Variants in CA10 observed in about 807,000 individuals in gnomAD.
CA10 encodes carbonic anhydrase-related protein 10.
A neutral mutation model predicts 44.2 loss-of-function variants in CA10; 14 were observed. The observed-to-expected ratio is 0.32, with a 90% CI of 0.21 to 0.50. The LOEUF is 0.50. CA10 is among the 20% of genes least tolerant of loss of function. The pLI, the probability that CA10 is intolerant of heterozygous loss-of-function variation, is 0.99. For missense variants in CA10, 350 were observed against 409.7 expected, an observed-to-expected ratio of 0.85 and a Z score of 1.26; for synonymous variants, 159 against 141.6, an observed-to-expected ratio of 1.12 and a Z score of -0.87.
At chr17:51,872,141 T>A (rs763508017) in intron 3 of CA10, among the ~76,000 whole-genome samples, 2 of 152,196 alleles carry the variant, frequency 1.3e-5, no homozygotes, top group Non-Finnish European at 2.9e-5. Flanking sequence ...ACACTTGGTC[T>A]TTTCTATGGA....
intron 4 of CA10, among the ~76,000 whole-genome samples, chr17:51,662,370 GGTGAA>G (rs1395113368): frequency 3.3e-5 from 5 of 152,114 alleles, no homozygotes; most frequent in South Asian, 2.1e-4. Context: ...AAAATAAATA[GGTGAA>G]GTGAAGACAT....
intron 3 of CA10, among the ~76,000 whole-genome samples, chr17:51,812,795 T>C (rs948962678): frequency 2.0e-5 from 3 of 152,196 alleles, no homozygotes; most frequent in Non-Finnish European, 2.9e-5. Flanking sequence ...TGCCTGTCTA[T>C]GGCTTGAGTA....
intron 3 of CA10, among the ~76,000 whole-genome samples, chr17:51,833,528 A>ATTAATCTT (rs1908361801): frequency 6.6e-6 from 1 of 152,224 alleles, no homozygotes; most frequent in African/African-American, 2.4e-5. Flanking sequence ...AGCACTTTTG[A>ATTAATCTT]TTAATCTTTA....
chr17:51,917,440 G>A (rs867394166), intron 3 of CA10, among the ~76,000 whole-genome samples: 14 of 152,316 alleles, frequency 9.2e-5, no homozygotes, highest in African/African-American at 1.9e-4. Flanking sequence ...CCCTGTGTAT[G>A]TTAAGCTGTT....
intron 2 of CA10, among the ~76,000 whole-genome samples, chr17:51,937,172 G>A (rs203099): frequency 0.68 from 102,948 of 152,014 alleles, 35,218 homozygotes; most frequent in Non-Finnish European, 0.71. Flanking sequence ...CAATCCTACA[G>A]ATAAAGCCTT....
At chr17:51,723,766 A>G (rs1342138841) in intron 4 of CA10, among the ~76,000 whole-genome samples, 2 of 152,178 alleles carry the variant, frequency 1.3e-5, no homozygotes, top group East Asian at 3.9e-4. Context: ...TGCGCTGTGC[A>G]ATGCTATCTG....
intron 1 of CA10, among the ~76,000 whole-genome samples, chr17:52,134,253 T>G (rs1989302436): frequency 6.6e-6 from 1 of 152,206 alleles, no homozygotes; most frequent in Non-Finnish European, 1.5e-5. Context: ...AATCCTAAAA[T>G]AACCTCCCAT....
intron 2 of CA10, among the ~76,000 whole-genome samples, chr17:51,968,280 T>A (rs1037186390): frequency 6.6e-6 from 1 of 151,892 alleles, no homozygotes; most frequent in Non-Finnish European, 1.5e-5. Context: ...TTCTTCATTA[T>A]CACCCCAAAC....
intron 1 of CA10, among the ~76,000 whole-genome samples, chr17:52,105,289 C>G (rs946676741): frequency 1.5e-4 from 22 of 151,540 alleles, no homozygotes; most frequent in African/African-American, 5.3e-4. Context: ...AGTCTTGGCT[C>G]TGTCGCCCAG....
At chr17:51,986,959 GA>G (rs1984861662) in intron 2 of CA10, among the ~76,000 whole-genome samples, 1 of 152,006 alleles carries the variant, frequency 6.6e-6, no homozygotes, top group Admixed American at 6.6e-5. Context: ...ATTCCTTAAA[GA>G]ACTAAAAATA....
intron 1 of CA10, among the ~76,000 whole-genome samples, chr17:52,106,276 C>T (rs761530414): frequency 6.6e-6 from 1 of 152,162 alleles, no homozygotes; most frequent in African/African-American, 2.4e-5. Context: ...TTTCCAAATG[C>T]TGCAACCCGC....
At chr17:52,094,233 A>G (rs1414709235) in intron 1 of CA10, among the ~76,000 whole-genome samples, 1 of 152,110 alleles carries the variant, frequency 6.6e-6, no homozygotes, top group Non-Finnish European at 1.5e-5. Flanking sequence ...GCACATGTAT[A>G]CCTATGTAAG....
chr17:51,648,465 G>A (rs893218151), intron 6 of CA10, among the ~76,000 whole-genome samples: 1 of 152,136 alleles, frequency 6.6e-6, no homozygotes, highest in South Asian at 2.1e-4. Context: ...TATCCTACTC[G>A]CTCCTAATTA....
At chr17:52,019,002 C>G (rs1345312297) in intron 2 of CA10, among the ~76,000 whole-genome samples, 1 of 152,088 alleles carries the variant, frequency 6.6e-6, no homozygotes, top group Non-Finnish European at 1.5e-5. Flanking sequence ...CTTGCTTGCT[C>G]TCTCACCATG....
intron 3 of CA10, among the ~76,000 whole-genome samples, chr17:51,925,385 A>T (rs897364464): frequency 6.6e-6 from 1 of 152,002 alleles, no homozygotes; most frequent in Admixed American, 6.6e-5. Context: ...ACAGTGAGAG[A>T]TCACTTCACA....
At chr17:51,648,559 C>A (rs1913429863) in intron 6 of CA10, among the ~76,000 whole-genome samples, 1 of 152,156 alleles carries the variant, frequency 6.6e-6, no homozygotes, top group South Asian at 2.1e-4. Flanking sequence ...AAATCCTGCA[C>A]CTTCTGGGAT....
At chr17:51,770,807 G>A (rs1039715670) in intron 3 of CA10, among the ~76,000 whole-genome samples, 1 of 151,874 alleles carries the variant, frequency 6.6e-6, no homozygotes, top group Non-Finnish European at 1.5e-5. Flanking sequence ...GATAGTGGTG[G>A]GGGAGGTGCC....
intron 3 of CA10, among the ~76,000 whole-genome samples, chr17:51,820,478 T>C (rs900232583): frequency 2.8e-5 from 4 of 140,882 alleles, no homozygotes; most frequent in Non-Finnish European, 4.6e-5. Flanking sequence ...TCTCTTTCTA[T>C]CAGATAGTCT....
intron 2 of CA10, among the ~76,000 whole-genome samples, chr17:51,970,660 C>A (rs1984249595): frequency 6.6e-6 from 1 of 152,062 alleles, no homozygotes; most frequent in Non-Finnish European, 1.5e-5. Context: ...CTTTTGTGAT[C>A]TAATTCATCA....
Sources: gnomAD v4.1 joint callset for allele counts (sites outside exome capture counted in the v4.1 genomes callset) on GRCh38, gnomAD v4.1.1 for gene constraint, MANE v1.5 for transcripts, NCBI Gene and HGNC (gene_info 2026-07-23, HGNC 2026-07-21) for gene names.